The following DCT variants were observed in gnomAD, a reference collection of about 807,000 sequenced individuals.
DCT encodes the protein L-dopachrome tautomerase.
A neutral mutation model predicts 53.0 loss-of-function variants in DCT; 47 were observed. That is an observed-to-expected ratio of 0.89 (90% CI 0.70 to 1.13). The LOEUF (loss-of-function observed/expected upper bound fraction) is 1.13, where lower values mean the gene tolerates loss of function less well. Among genes scored for constraint, DCT ranks in the 50% most tolerant of loss-of-function variants. The pLI is 0.00. For synonymous variants in DCT, 244 were observed against 237.0 expected (o/e 1.03, Z -0.27); for missense variants, 669 against 637.4 (o/e 1.05, Z -0.53).
the DCT span, among the ~76,000 whole-genome samples, chr13:94,530,742 C>T: frequency 6.6e-6 from 1 of 152,158 alleles, no homozygotes; most frequent in African/African-American, 2.4e-5. Flanking sequence ...GACAAGGATG[C>T]CCTCTCTCAC....
At chr13:94,530,388 C>T in the DCT span, among the ~76,000 whole-genome samples, 1 of 152,160 alleles carries the variant, frequency 6.6e-6, no homozygotes, top group African/African-American at 2.4e-5. Flanking sequence ...CAGAAATCCT[C>T]AATAAAATAC....
At chr13:94,453,412 T>G (rs1351795421) in intron 6 of DCT, among the ~76,000 whole-genome samples, 1 of 152,182 alleles carries the variant, frequency 6.6e-6, no homozygotes, top group Non-Finnish European at 1.5e-5. Flanking sequence ...ATAAATAATA[T>G]AAAAATCATA....
At chr13:94,502,678 G>T in the DCT span, among the ~76,000 whole-genome samples, 1 of 151,974 alleles carries the variant, frequency 6.6e-6, no homozygotes, top group African/African-American at 2.4e-5. Context: ...TCAGCTTCTA[G>T]GTACCTCATT....
At chr13:94,443,284 A>G in intron 7 of DCT, 152 bp downstream of exon 7, 3 of 627,806 alleles carry the variant, frequency 4.8e-6, no homozygotes, top group Non-Finnish European at 8.4e-6. Flanking sequence ...CATTTTGCTA[A>G]ATACGTATAT....
chr13:94,461,667 A>C (rs993874895), intron 5 of DCT, among the ~76,000 whole-genome samples: 2 of 152,226 alleles, frequency 1.3e-5, no homozygotes, highest in African/African-American at 2.4e-5. Flanking sequence ...CATTTTAAAA[A>C]ATAAGAAAGG....
In DCT at chr13:94,439,959, T is replaced by A; in HGVS notation, c.1499A>T (p.Lys500Ile). The change falls in exon 8 of 8, where the codon AAA becomes ATA. Residue 500 changes from lysine (K) to isoleucine (I), a missense_variant. Coordinates refer to ENST00000377028, the MANE Select transcript of DCT (RefSeq NM_001922.5). Reference protein sequence around the residue: ...LAFLQYRRLRKGYTPLMETHL... With the variant: ...LAFLQYRRLRIGYTPLMETHL... ...TGTCTCCATTAGGGGTGTATATCCT[T>A]TTCGAAGTCTTCTATATTGAAGAAA... 2 of 1,614,030 alleles carry A rather than the reference T, an allele frequency of 1.2e-6. No homozygotes were observed. Among genetic ancestry groups the A allele is most frequent in the Non-Finnish European group, 1.7e-6 (2 of 1,179,936 alleles).
chr13:94,539,016 C>T, the DCT span, among the ~76,000 whole-genome samples: 69 of 152,298 alleles, frequency 4.5e-4, no homozygotes, highest in African/African-American at 1.5e-3. Flanking sequence ...CAGTCCCGAC[C>T]ACCACCAGGC....
At chr13:94,541,162 A>G in the DCT span, among the ~76,000 whole-genome samples, 1 of 152,112 alleles carries the variant, frequency 6.6e-6, no homozygotes, top group Non-Finnish European at 1.5e-5. Flanking sequence ...GGAGATAAAG[A>G]GGTGTTGTCT....
the DCT span, among the ~76,000 whole-genome samples, chr13:94,523,872 AT>A: frequency 1.4e-4 from 21 of 149,296 alleles, no homozygotes; most frequent in African/African-American, 3.7e-4. Context: ...TGAGGACTCC[AT>A]TTTTTTTTTA....
chr13:94,501,929 C>T, the DCT span, among the ~76,000 whole-genome samples: 4 of 152,156 alleles, frequency 2.6e-5, no homozygotes, highest in Non-Finnish European at 5.9e-5. Flanking sequence ...GTATTATTGT[C>T]TCCCTCACTC....
the DCT span, among the ~76,000 whole-genome samples, chr13:94,548,831 G>C: frequency 6.6e-6 from 1 of 152,200 alleles, no homozygotes; most frequent in Non-Finnish European, 1.5e-5. Context: ...TCTTAGGAAA[G>C]CAAGGCCTCT....
the DCT span, among the ~76,000 whole-genome samples, chr13:94,527,399 C>G: frequency 2.4e-3 from 361 of 152,288 alleles, 4 homozygotes; most frequent in African/African-American, 8.4e-3. Flanking sequence ...ACACCTCAAA[C>G]AGGCAGGTGC....
chr13:94,495,812 A>G, the DCT span, among the ~76,000 whole-genome samples: 1 of 152,208 alleles, frequency 6.6e-6, no homozygotes, highest in Non-Finnish European at 1.5e-5. Context: ...GTTGAACACA[A>G]TAACTTCATA....
chr13:94,464,950 A>G (rs1394648241), intron 4 of DCT, among the ~76,000 whole-genome samples: 1 of 152,076 alleles, frequency 6.6e-6, no homozygotes, highest in Admixed American at 6.5e-5. Flanking sequence ...CCAGAGAATT[A>G]TCTAGCTTCA....
At chr13:94,466,199 T>C (rs1423184662) in intron 3 of DCT, among the ~76,000 whole-genome samples, 1 of 150,228 alleles carries the variant, frequency 6.7e-6, no homozygotes, top group African/African-American at 2.5e-5. Context: ...AGAAAAAGAG[T>C]GAATACATAG....
chr13:94,518,170 GAAGA>G, the DCT span, among the ~76,000 whole-genome samples: 5 of 144,662 alleles, frequency 3.5e-5, no homozygotes, highest in East Asian at 8.4e-4. Context: ...AGGAAGGAAG[GAAGA>G]AAGAAAGAAA....
the DCT span, among the ~76,000 whole-genome samples, chr13:94,495,816 C>G: frequency 6.6e-6 from 1 of 152,264 alleles, no homozygotes; most frequent in Admixed American, 6.5e-5. Flanking sequence ...AACACAATAA[C>G]TTCATATTTC....
intron 6 of DCT, among the ~76,000 whole-genome samples, chr13:94,448,354 C>T (rs1882863375): frequency 1.3e-5 from 2 of 152,224 alleles, no homozygotes; most frequent in South Asian, 4.2e-4. Flanking sequence ...TGAGAAAATG[C>T]AAAGCATCCA....
the DCT span, among the ~76,000 whole-genome samples, chr13:94,542,584 A>C: frequency 1.3e-5 from 2 of 152,150 alleles, no homozygotes; most frequent in Non-Finnish European, 2.9e-5. Context: ...TTCTCATCAC[A>C]TACTGCCTCC....
Sources: gnomAD v4.1 joint callset for allele counts (sites outside exome capture counted in the v4.1 genomes callset) on GRCh38, gnomAD v4.1.1 for gene constraint, MANE v1.5 for transcripts, NCBI Gene and HGNC (gene_info 2026-07-23, HGNC 2026-07-21) for gene names.